Variants in BAP1 observed in about 807,000 individuals in gnomAD.
BAP1 encodes the protein BRCA1 associated deubiquitinase 1.
In BAP1, 16 loss-of-function variants were observed where a neutral mutation model predicts 77.2. The ratio of observed to expected loss-of-function variants is 0.21; its 90% CI spans 0.14 to 0.31. BAP1 has a LOEUF of 0.31. Ranked by LOEUF, BAP1 falls within the 10% of genes least tolerant of loss-of-function variation. BAP1 has a pLI of 1.00. For missense variants in BAP1, 699 were observed against 967.3 expected (o/e 0.72, Z 3.68); for synonymous variants, 362 against 385.2 (o/e 0.94, Z 0.71).
At position 52,402,710 on chromosome 3, in the gene BAP1, A is replaced by G. The variant is rs2153226244; in HGVS notation, c.1984-36T>C. ...GAAGAAGACTGAGAGCACTGGAGCC[A>G]ATCTTGCCAGAGCAGCCACCAGTGG... On this transcript the variant is annotated intron_variant, in intron 15 of 16. Transcript: ENST00000460680. The surrounding 1 kb of genome is among the most constrained non-coding windows in gnomAD (Gnocchi z 5.3). The G allele has an allele frequency of 6.2e-7, 1 of 1,614,086 alleles. No individual in the cohort carries two copies. The highest frequency in any genetic ancestry group is 1.1e-5 in the South Asian group (1 of 91,086).
At chr3:52,404,043 A>T in intron 12 of BAP1, 149 bp from the exon 13 acceptor site, 1 of 794,216 alleles carries the variant, frequency 1.3e-6, no homozygotes, top group Non-Finnish European at 2.0e-6. Flanking sequence ...TAGCCATGCT[A>T]AGCCTGGCAT....
chr3:52,405,250 G>A lies in BAP1; in HGVS notation c.976C>T (p.His326Tyr), dbSNP rs1343829959. 1.2e-6 allele frequency: 2 copies of A among 1,614,018 alleles called. No individual in the cohort carries two copies. Among genetic ancestry groups the A allele is most frequent in the Admixed American group, 3.3e-5 (2 of 60,016 alleles). ...AGCTTGGGTTTGTTGGGAGGGCTGT[G>A]GGATGGGGCTTGTGCGCATGAACCA... The part of the protein sequence containing the change: ...AAGSCAQAPS[H>Y]SPPNKPKLVV... Residue 326 changes from histidine (H) to tyrosine (Y), a missense_variant, in exon 11 of 17, where the codon CAC becomes TAC. His to Tyr is a moderately conservative substitution (Grantham distance 83). This residue lies in a region of BAP1 where 475 missense variants were observed against 532.4 expected (regional missense o/e 0.89). Transcript: ENST00000460680.
Position 52,404,600 on chromosome 3 carries a change from CA to C in BAP1, c.1117-15del. 6.2e-7 allele frequency: 1 copy of C among 1,611,350 alleles called. No individual in the cohort carries two copies. On this transcript the variant is annotated splice_polypyrimidine_tract_variant and intron_variant, in intron 11 of 16. Coordinates refer to ENST00000460680, the MANE Select transcript of BAP1 (RefSeq NM_004656.4). The stretch of plus-strand genomic sequence containing the variant: ...GTCTTCTTCCTCCTGGGACAAAGAC[CA>C]GGGCAGTTACAAACAAGTGCTGCTC...
Position 52,409,888 on chromosome 3 carries a change from G to A in BAP1, c.-10C>T, listed in dbSNP as rs200018055. The A allele has an allele frequency of 2.8e-4, 454 of 1,606,490 alleles. 3 individuals are homozygous for A. The East Asian group carries it at 1.0e-2, about 35-fold the overall frequency. ...GCCAGCCCTTATTCATCTTCCCGCG[G>A]GGCGGCCCCTCAGCGCCATGTCCAG... On this transcript the variant is annotated 5_prime_UTR_variant, in exon 1 of 17. Coordinates refer to ENST00000460680, the MANE Select transcript of BAP1 (RefSeq NM_004656.4).
intron 5 of BAP1, 106 bp from the exon 6 acceptor site, chr3:52,407,566 G>C: frequency 6.7e-7 from 1 of 1,492,946 alleles, no homozygotes; most frequent in Non-Finnish European, 9.3e-7. Flanking sequence ...CCAGGAATCG[G>C]AAGGAACACA....
rs1559592901 is a variant in BAP1, at chr3:52,409,626, A to G, written c.68-18T>C. 3.7e-6 allele frequency: 6 copies of G among 1,614,162 alleles called. No individual in the cohort carries two copies. Among genetic ancestry groups the G allele is most frequent in the Non-Finnish European group, 5.1e-6 (6 of 1,180,016 alleles). Reference sequence around the variant, plus strand: ...CTTGACACCTGCGATGAGGAAAGGAAAGCAGTAGGGAAGGACAGCCCCTGA... The same window carrying G: ...CTTGACACCTGCGATGAGGAAAGGAGAGCAGTAGGGAAGGACAGCCCCTGA... On this transcript the variant is annotated intron_variant, in intron 2 of 16. Coordinates refer to ENST00000460680, the MANE Select transcript of BAP1 (RefSeq NM_004656.4).
chr3:52,407,575 C>T lies in BAP1; in HGVS notation c.376-115G>A, dbSNP rs968574986. 3 of 1,428,070 alleles carry T rather than the reference C, an allele frequency of 2.1e-6. No individual in the cohort carries two copies. The Admixed American group carries it at 5.3e-5, about 25-fold the overall frequency. The allele number at this position is 1,428,070 out of a possible 1,614,324, so 88.5% of individuals were successfully genotyped here. Reference sequence around the variant, plus strand: ...GGCATTCCAGGAATCGGAAGGAACACAGACGAACTTTCTTAAAAGGCTGGT... The same window carrying T: ...GGCATTCCAGGAATCGGAAGGAACATAGACGAACTTTCTTAAAAGGCTGGT... On this transcript the variant is annotated intron_variant, in intron 5 of 16. Coordinates refer to ENST00000460680, the MANE Select transcript of BAP1 (RefSeq NM_004656.4).
In BAP1 at chr3:52,406,119, A is replaced by G. The variant is rs1559589487; in HGVS notation, c.783+134T>C. On this transcript the variant is annotated intron_variant, in intron 9 of 16. Transcript: ENST00000460680. This position sits in a 1 kb window ranked among gnomAD's most constrained non-coding sequence, Gnocchi z 4.6. ...CACCTTTCCCACAATGGGGGCAAAG[A>G]AAAGATGTGGTTAGCTGAAGCCCAG... 6.5e-7 allele frequency: 1 copy of G among 1,545,760 alleles called. No individual in the cohort carries two copies. Among genetic ancestry groups the G allele is most frequent in the Non-Finnish European group, 8.9e-7 (1 of 1,129,292 alleles).
intron 11 of BAP1, 134 bp downstream of exon 11, chr3:52,404,976 C>A: frequency 1.6e-6 from 2 of 1,234,750 alleles, no homozygotes; most frequent in South Asian, 1.2e-5. Flanking sequence ...GCAGAGGAAC[C>A]TAGCAACCCA....
At position 52,403,511 on chromosome 3, in the gene BAP1, C is replaced by T. The variant is rs71651687; in HGVS notation, c.1634G>A (p.Arg545His). 7 of 1,613,946 alleles carry T rather than the reference C, an allele frequency of 4.3e-6. No homozygotes were observed. Among genetic ancestry groups the T allele is most frequent in the East Asian group, 2.2e-5 (1 of 44,896 alleles). Residue 545 changes from arginine (R) to histidine (H), a missense_variant, in exon 13 of 17, where the codon CGC becomes CAC. Physicochemically the swap from Arg to His is conservative, Grantham distance 29 (BLOSUM62 0). Coordinates refer to ENST00000460680, the MANE Select transcript of BAP1 (RefSeq NM_004656.4). The surrounding 1 kb of genome is among the most constrained non-coding windows in gnomAD (Gnocchi z 4.0). ...DDSLLRVDCI[R>H]YNRAVRDLGP... ...CAGATCACGGACAGCACGGTTGTAGCGTATGCAGTCAACACGCAGCAGGCT... is the reference window on the plus strand; with the variant it reads ...CAGATCACGGACAGCACGGTTGTAGTGTATGCAGTCAACACGCAGCAGGCT...
At position 52,402,825 on chromosome 3, in the gene BAP1, T is replaced by C. The variant is rs1377099523; in HGVS notation, c.1937A>G (p.Tyr646Cys). The change falls in exon 15 of 17, where the codon TAT (tyrosine) becomes TGT (cysteine). Residue 646 changes from tyrosine (Y) to cysteine (C), a missense_variant. By Grantham distance (194) the Tyr-to-Cys change is radical. Coordinates refer to ENST00000460680, the MANE Select transcript of BAP1 (RefSeq NM_004656.4). This position sits in a 1 kb window ranked among gnomAD's most constrained non-coding sequence, Gnocchi z 5.3. ...LKCVEAEIANYEACLKEEVEK... is the reference protein window; with the variant it reads ...LKCVEAEIANCEACLKEEVEK... ...TACCTCCTCCTTGAGGCACGCCTCA[T>C]AGTTTGCAATCTCAGCCTCCACACA... is the stretch of plus-strand genomic sequence containing the variant. 3.7e-6 allele frequency: 6 copies of C among 1,614,190 alleles called. No individual in the cohort carries two copies. In the East Asian group the frequency reaches 1.1e-4, roughly 30 times the overall value.
At chr3:52,404,101 A>G (rs2153226782) in intron 12 of BAP1, among the ~76,000 whole-genome samples, 1 of 152,298 alleles carries the variant, frequency 6.6e-6, no homozygotes, top group East Asian at 1.9e-4. Flanking sequence ...CACTTCCTCT[A>G]TTCCAGCCAT....
At chr3:52,408,745 TCC>T in intron 3 of BAP1, 139 bp from the exon 4 acceptor site, 1 of 1,139,412 alleles carries the variant, frequency 8.8e-7, no homozygotes, top group South Asian at 1.6e-5. Flanking sequence ...CCTGGCTTCT[TCC>T]CAACACTGTG....
intron 3 of BAP1, 140 bp from the exon 4 acceptor site, chr3:52,408,746 C>T: frequency 8.8e-7 from 1 of 1,132,650 alleles, no homozygotes; most frequent in Non-Finnish European, 1.2e-6. Flanking sequence ...CTGGCTTCTT[C>T]CCAACACTGT....
At chr3:52,404,372 G>T in intron 12 of BAP1, 81 bp downstream of exon 12, 1 of 1,601,626 alleles carries the variant, frequency 6.2e-7, no homozygotes, top group Non-Finnish European at 8.6e-7. Flanking sequence ...CTGCTGCAGG[G>T]CATTCTCAGA....
rs1704995070 is a variant in BAP1 at position 52,402,550 on chromosome 3, G to A, written c.2056+52C>T. ...AGAGGCCAGGGGAGGGGAGCTGAAG[G>A]ACACGGCCCTCAGCAGGGCATTCCA... On this transcript the variant is annotated intron_variant, in intron 16 of 16. Coordinates refer to ENST00000460680, the MANE Select transcript of BAP1 (RefSeq NM_004656.4). The surrounding 1 kb of genome is among the most constrained non-coding windows in gnomAD (Gnocchi z 5.3). The A allele has an allele frequency of 1.2e-6, 2 of 1,612,748 alleles. No individual in the cohort carries two copies. The highest frequency in any genetic ancestry group is 1.3e-5 in the African/African-American group (1 of 75,002).
rs150524807 is a variant in BAP1 at position 52,403,738 on chromosome 3, G to A, written c.1407C>T (p.Ser469=). The A allele has an allele frequency of 2.7e-4, 441 of 1,613,946 alleles. No homozygotes were observed. Among genetic ancestry groups the A allele is most frequent in the Non-Finnish European group, 3.6e-4 (428 of 1,180,030 alleles). Residue 469 remains serine (S), a synonymous_variant, in exon 13 of 17, where the codon AGC becomes AGT. Coordinates refer to ENST00000460680, the MANE Select transcript of BAP1 (RefSeq NM_004656.4). This position sits in a 1 kb window ranked among gnomAD's most constrained non-coding sequence, Gnocchi z 4.0. ...CTGCCACAGCCGGACTCCCAGCCCC[G>A]CTGCTAGTCTTGATGGACAGAGGAA... ...LSIPLSIKTS[S]GAGSPAVAVP... is the part of the protein sequence containing the mutation.
chr3:52,401,263 TG>T lies in BAP1; in HGVS notation c.*1024del, dbSNP rs2153226032. 4.3e-6 allele frequency: 1 copy of T among 233,292 alleles called. No individual in the cohort carries two copies. Among genetic ancestry groups the T allele is most frequent in the East Asian group, 6.0e-5 (1 of 16,544 alleles). 14.5% of individuals were successfully genotyped at this position (233,292 alleles called of 1,614,324 possible). On this transcript the variant is annotated 3_prime_UTR_variant, in exon 17 of 17. Transcript: ENST00000460680. ...CATTACCCCTTGGCATCAGGTCCTC[TG>T]GAACACAGGGGCTCCAACGGGTTGT...
At position 52,406,168 on chromosome 3, in the gene BAP1, A is replaced by G. The variant is rs562571308; in HGVS notation, c.783+85T>C. On this transcript the variant is annotated intron_variant, in intron 9 of 16. Coordinates refer to ENST00000460680, the MANE Select transcript of BAP1 (RefSeq NM_004656.4). The surrounding 1 kb of genome is among the most constrained non-coding windows in gnomAD (Gnocchi z 4.6). ...AGATCTACAAGAGAGTATGTTCACG[A>G]ATCAGAGACAAATGCTGTGGGGGAA... 1.6e-5 allele frequency: 26 copies of G among 1,607,326 alleles called. No homozygotes were observed. In the South Asian group the frequency reaches 2.8e-4, roughly 17 times the overall value.
Sources: allele counts gnomAD v4.1 joint callset (sites outside exome capture counted in the v4.1 genomes callset), GRCh38; gene constraint gnomAD v4.1.1; regional missense constraint gnomAD v4.1.1; non-coding constraint Gnocchi (gnomAD v3.1); transcripts MANE v1.5; gene names NCBI Gene and HGNC (gene_info 2026-07-23, HGNC 2026-07-21).